Variants in PHACTR1 observed in about 807,000 individuals in gnomAD.
PHACTR1 encodes the protein RPEL repeat containing 1.
In PHACTR1, 16 loss-of-function variants were observed where a neutral mutation model predicts 69.2. The observed-to-expected ratio is 0.23, with a 90% confidence interval of 0.16 to 0.35. The LOEUF (loss-of-function observed/expected upper bound fraction) is 0.35. Among genes scored for constraint, PHACTR1 ranks in the 10% least tolerant of loss-of-function variants. The pLI, the probability that PHACTR1 is intolerant of heterozygous loss-of-function variation, is 1.00. For synonymous variants in PHACTR1, 312 were observed against 284.5 expected (o/e 1.10, Z -0.97); for missense variants, 510 against 734.7 (o/e 0.69, Z 3.54).
chr6:12,731,003 T>C (rs1354107266), intron 3 of PHACTR1, among the ~76,000 whole-genome samples: 1 of 149,126 alleles, frequency 6.7e-6, no homozygotes, highest in Non-Finnish European at 1.5e-5. Flanking sequence ...TATTTATTTA[T>C]TTATTTATTT....
chr6:13,278,353 G>C, intron 12 of PHACTR1, 24 bp downstream of exon 12: 1 of 1,575,304 alleles, frequency 6.3e-7, no homozygotes, highest in Non-Finnish European at 8.6e-7. Context: ...CATGCCAAGA[G>C]CTGGGACAGG....
rs148316262 is a variant in PHACTR1 at position 13,244,126 on chromosome 6, G to A, written c.1391+13933G>A. ...AAAGAGAGAAATTTTAAAGCTGGGCGTCCGGGGGAGACATCACACGTTGGT... is the reference window on the plus strand; with the variant it reads ...AAAGAGAGAAATTTTAAAGCTGGGCATCCGGGGGAGACATCACACGTTGGT... On this transcript the variant is annotated intron_variant, in intron 10 of 14. Coordinates refer to ENST00000332995, the MANE Select transcript of PHACTR1 (RefSeq NM_030948.6). Among the ~76,000 whole-genome samples, 682 of 152,156 alleles carry A rather than the reference G, an allele frequency of 4.5e-3. 26 individuals carry two copies. The East Asian group carries it at 0.097, about 22-fold the overall frequency.
intron 4 of PHACTR1, among the ~76,000 whole-genome samples, chr6:12,813,882 A>G (rs973811887): frequency 7.2e-5 from 11 of 152,224 alleles, no homozygotes; most frequent in Non-Finnish European, 1.5e-4. Context: ...CTAGGAACAC[A>G]GGATCTCAGG....
chr6:12,891,689 A>G (rs1784182010), intron 4 of PHACTR1, among the ~76,000 whole-genome samples: 1 of 152,158 alleles, frequency 6.6e-6, no homozygotes, highest in Non-Finnish European at 1.5e-5. Context: ...CATTTTTCAG[A>G]GTCTGTGTTT....
chr6:12,851,053 C>T (rs750028936), intron 4 of PHACTR1, among the ~76,000 whole-genome samples: 10 of 152,172 alleles, frequency 6.6e-5, no homozygotes, highest in Non-Finnish European at 1.2e-4. Flanking sequence ...CTAAATCTTC[C>T]CAATTTTAAG....
chr6:12,788,269 T>G (rs1195682061), intron 4 of PHACTR1, among the ~76,000 whole-genome samples: 1 of 151,958 alleles, frequency 6.6e-6, no homozygotes, highest in Non-Finnish European at 1.5e-5. Flanking sequence ...TGGTGATATT[T>G]CCAATTTCTA....
At chr6:13,238,337 C>T (rs1343517945) in intron 10 of PHACTR1, among the ~76,000 whole-genome samples, 1 of 152,218 alleles carries the variant, frequency 6.6e-6, no homozygotes, top group African/African-American at 2.4e-5. Context: ...CTCCTCCTCA[C>T]TACTTTATCA....
At chr6:13,002,595 G>A (rs564298421) in intron 4 of PHACTR1, among the ~76,000 whole-genome samples, 17 of 152,236 alleles carry the variant, frequency 1.1e-4, no homozygotes, top group Admixed American at 2.0e-4. Flanking sequence ...TGATCTATTG[G>A]TTGATCATGT....
intron 4 of PHACTR1, among the ~76,000 whole-genome samples, chr6:12,958,894 G>A (rs1792251832): frequency 6.6e-6 from 1 of 152,130 alleles, no homozygotes; most frequent in African/African-American, 2.4e-5. Flanking sequence ...CTTTAAAGAG[G>A]GGTCGGGCAC....
chr6:13,095,146 T>C (rs2127840910), intron 5 of PHACTR1, among the ~76,000 whole-genome samples: 1 of 152,306 alleles, frequency 6.6e-6, no homozygotes, highest in African/African-American at 2.4e-5. Context: ...ATTCCCAGTC[T>C]CCAGAACTGT....
intron 5 of PHACTR1, among the ~76,000 whole-genome samples, chr6:13,142,778 G>A (rs1296443504): frequency 1.3e-5 from 2 of 151,476 alleles, no homozygotes; most frequent in Admixed American, 1.3e-4. Context: ...TTTTATGCCA[G>A]TACCATACTG....
chr6:13,135,095 C>A (rs1006404225), intron 5 of PHACTR1, among the ~76,000 whole-genome samples: 25 of 152,222 alleles, frequency 1.6e-4, no homozygotes, highest in Non-Finnish European at 1.0e-4. Context: ...GCTCACTGCT[C>A]TGACTGCGTT....
chr6:12,951,364 C>T (rs1791272751), intron 4 of PHACTR1, among the ~76,000 whole-genome samples: 1 of 152,142 alleles, frequency 6.6e-6, no homozygotes. Flanking sequence ...CTTAATATGG[C>T]CTTGGCAAAA....
intron 10 of PHACTR1, among the ~76,000 whole-genome samples, chr6:13,247,676 A>T (rs974875934): frequency 1.3e-5 from 2 of 152,114 alleles, no homozygotes; most frequent in Admixed American, 1.3e-4. Flanking sequence ...GCCAAGACAG[A>T]TAATTGCATC....
At chr6:12,961,834 G>C (rs962704592) in intron 4 of PHACTR1, among the ~76,000 whole-genome samples, 5 of 152,176 alleles carry the variant, frequency 3.3e-5, no homozygotes, top group African/African-American at 1.2e-4. Context: ...CTTGCTCCTT[G>C]GCTTGTAGAT....
chr6:12,870,507 A>G (rs985724205), intron 4 of PHACTR1, among the ~76,000 whole-genome samples: 2 of 152,214 alleles, frequency 1.3e-5, no homozygotes, highest in Non-Finnish European at 2.9e-5. Flanking sequence ...TAAAATTACA[A>G]TCATCTAGAA....
At chr6:13,056,618 G>C (rs950502126) in intron 5 of PHACTR1, among the ~76,000 whole-genome samples, 8 of 152,188 alleles carry the variant, frequency 5.3e-5, no homozygotes, top group African/African-American at 1.9e-4. Flanking sequence ...AAGAAGGATA[G>C]GGACCACTGC....
intron 4 of PHACTR1, among the ~76,000 whole-genome samples, chr6:12,971,955 G>T (rs1305492545): frequency 3.3e-5 from 5 of 152,200 alleles, no homozygotes; most frequent in East Asian, 1.9e-4. Context: ...GCTATGTAAG[G>T]TTGGGGTGAG....
At chr6:12,803,344 G>C (rs951371025) in intron 4 of PHACTR1, among the ~76,000 whole-genome samples, 3 of 152,088 alleles carry the variant, frequency 2.0e-5, no homozygotes, top group African/African-American at 7.2e-5. Flanking sequence ...CCTTGCACCT[G>C]CTCCAGTCCT....
Sources: allele counts gnomAD v4.1 joint callset (sites outside exome capture counted in the v4.1 genomes callset), GRCh38; gene constraint gnomAD v4.1.1; transcripts MANE v1.5; gene names NCBI Gene and HGNC (gene_info 2026-07-23, HGNC 2026-07-21).